The following NELL1 variants were observed in gnomAD, a reference collection of about 807,000 sequenced individuals.
NELL1 encodes the protein protein kinase C-binding protein NELL1.
Under a neutral mutation model 107.4 loss-of-function variants are expected in NELL1, and 76 were observed. The observed-to-expected ratio is 0.71, with a 90% CI of 0.59 to 0.86. The LOEUF (loss-of-function observed/expected upper bound fraction) is 0.86, where lower values mean the gene tolerates loss of function less well. Among genes scored for constraint, NELL1 ranks in the 40% least tolerant of loss-of-function variants. The pLI is 0.00. For synonymous variants in NELL1, 353 were observed against 341.2 expected, an observed-to-expected ratio of 1.03 and a Z score of -0.38; for missense variants, 1,024 against 1,005.5, an observed-to-expected ratio of 1.02 and a Z score of -0.25.
At chr11:20,960,686 A>G (rs1851272508) in intron 12 of NELL1, 126 bp downstream of exon 12, 3 of 1,065,296 alleles carry the variant, frequency 2.8e-6, no homozygotes, top group Non-Finnish European at 2.7e-6. Flanking sequence ...AAGAAATCAT[A>G]TCAATTGCTG....
chr11:20,943,802 T>C (rs145243993), intron 10 of NELL1, among the ~76,000 whole-genome samples: 338 of 152,298 alleles, frequency 2.2e-3, no homozygotes, highest in Non-Finnish European at 3.7e-3. Flanking sequence ...TAGACTGACT[T>C]GGAAATAATT....
intron 7 of NELL1, among the ~76,000 whole-genome samples, chr11:20,926,499 G>A (rs896801206): frequency 2.0e-5 from 3 of 152,238 alleles, no homozygotes; most frequent in South Asian, 4.2e-4. Context: ...TCAAACAAGA[G>A]AGCTAACTGA....
intron 12 of NELL1, among the ~76,000 whole-genome samples, chr11:21,071,448 A>G (rs1854013170): frequency 6.6e-6 from 1 of 152,240 alleles, no homozygotes; most frequent in Non-Finnish European, 1.5e-5. Context: ...TTGTATCATT[A>G]TCATTAAGTT....
intron 12 of NELL1, among the ~76,000 whole-genome samples, chr11:21,084,678 G>A (rs1854347708): frequency 6.6e-6 from 1 of 152,194 alleles, no homozygotes; most frequent in Non-Finnish European, 1.5e-5. Context: ...TGGTTTATCA[G>A]TAGTGGAATT....
chr11:21,548,056 G>T (rs1856487551), intron 16 of NELL1, among the ~76,000 whole-genome samples: 1 of 151,848 alleles, frequency 6.6e-6, no homozygotes, highest in Non-Finnish European at 1.5e-5. Context: ...AATGAGAGTA[G>T]CATTATCAAA....
chr11:21,062,126 G>A (rs78511782), intron 12 of NELL1, among the ~76,000 whole-genome samples: 1 of 152,118 alleles, frequency 6.6e-6, no homozygotes, highest in Non-Finnish European at 1.5e-5. Context: ...TTGAAATGTG[G>A]TTAGTCGAAT....
chr11:20,832,688 A>G (rs1026981376), intron 3 of NELL1, among the ~76,000 whole-genome samples: 1 of 152,242 alleles, frequency 6.6e-6, no homozygotes, highest in Non-Finnish European at 1.5e-5. Context: ...CAAGGAGGCA[A>G]TTCAGGAAAA....
chr11:20,992,709 A>ATTTTTTTTTTTT (rs56048576), intron 12 of NELL1, among the ~76,000 whole-genome samples: 2 of 114,476 alleles, frequency 1.7e-5, no homozygotes, highest in African/African-American at 3.3e-5. Context: ...CAAAAGTGGC[A>ATTTTTTTTTTTT]TTTTTTTTTT....
At chr11:21,551,533 A>G (rs1411517384) in intron 16 of NELL1, among the ~76,000 whole-genome samples, 1 of 151,758 alleles carries the variant, frequency 6.6e-6, no homozygotes, top group African/African-American at 2.4e-5. Context: ...AACACATGAA[A>G]AAATGCTCAC....
chr11:20,837,515 T>A (rs1286799663), intron 3 of NELL1, among the ~76,000 whole-genome samples: 1 of 152,194 alleles, frequency 6.6e-6, no homozygotes, highest in African/African-American at 2.4e-5. Flanking sequence ...AGTGGCCAAA[T>A]CTTGATTTCG....
chr11:20,972,277 G>A (rs896352101), intron 12 of NELL1, among the ~76,000 whole-genome samples: 13 of 152,134 alleles, frequency 8.5e-5, no homozygotes, highest in African/African-American at 3.1e-4. Context: ...CACACAATAG[G>A]TGTTAGTTAA....
chr11:21,342,524 G>A (rs992167397), intron 14 of NELL1, among the ~76,000 whole-genome samples: 3 of 151,524 alleles, frequency 2.0e-5, no homozygotes, highest in African/African-American at 4.9e-5. Context: ...TGTGCCTGTA[G>A]TTACAGCTAC....
chr11:21,301,756 C>T lies in NELL1; in HGVS notation c.1550-69097C>T, dbSNP rs534279830. 2.0e-5 allele frequency among the ~76,000 whole-genome samples: 3 copies of T among 152,042 alleles called. No homozygotes were observed. In the South Asian group the frequency reaches 6.2e-4, roughly 32 times the overall value. ...CAGAAGCTCTTTAGTTTAATTAGAT[C>T]CCATTTGTCAAATTTTGCTTTTGTA... On this transcript the variant is annotated intron_variant, in intron 14 of 19. Coordinates refer to ENST00000357134, the MANE Select transcript of NELL1 (RefSeq NM_006157.5).
chr11:21,133,693 G>A (rs962992614), intron 13 of NELL1, among the ~76,000 whole-genome samples: 14 of 151,964 alleles, frequency 9.2e-5, no homozygotes, highest in Non-Finnish European at 1.8e-4. Flanking sequence ...AGCAGGACTC[G>A]GGAGCAGGGG....
intron 15 of NELL1, among the ~76,000 whole-genome samples, chr11:21,500,933 T>C (rs1855123825): frequency 1.3e-5 from 2 of 152,166 alleles, no homozygotes; most frequent in Non-Finnish European, 2.9e-5. Context: ...AGAATTGTTT[T>C]TTCCCCTATG....
intron 13 of NELL1, among the ~76,000 whole-genome samples, chr11:21,165,296 C>T (rs563874620): frequency 6.6e-6 from 1 of 152,264 alleles, no homozygotes; most frequent in African/African-American, 2.4e-5. Context: ...ACGTCTATAC[C>T]CTAGTCATCT....
rs373209512 is a variant in NELL1 at position 21,370,886 on chromosome 11, C to T, written c.1583C>T (p.Thr528Met). The T allele has an allele frequency of 1.1e-5, 17 of 1,611,630 alleles. No individual in the cohort carries two copies. The highest frequency in any genetic ancestry group is 1.3e-5 in the African/African-American group (1 of 74,802). The change falls in exon 15 of 20, where the codon ACG becomes ATG. Residue 528 changes from threonine to methionine, a missense_variant. By Grantham distance (81) the Thr-to-Met change is moderately conservative (BLOSUM62 -1). Coordinates refer to ENST00000357134, the MANE Select transcript of NELL1 (RefSeq NM_006157.5). ...GAAGAGGGCTGCAGATACGGTGGAA[C>T]GTGTGTGGCTCCCAACAAATGTGTC... ...FCEEGCRYGG[T>M]CVAPNKCVCP...
At chr11:21,111,056 C>G (rs1397709260) in intron 12 of NELL1, among the ~76,000 whole-genome samples, 5 of 152,102 alleles carry the variant, frequency 3.3e-5, no homozygotes, top group Admixed American at 1.3e-4. Flanking sequence ...TCTTTTCTGT[C>G]TGGTAGGTTA....
At chr11:21,574,545 G>A (rs1226244872) in intron 19 of NELL1, among the ~76,000 whole-genome samples, 2 of 151,744 alleles carry the variant, frequency 1.3e-5, no homozygotes, top group Non-Finnish European at 1.5e-5. Context: ...AAACCTTACT[G>A]GACCCCATCT....
Sources: gnomAD v4.1 joint callset for allele counts (sites outside exome capture counted in the v4.1 genomes callset) on GRCh38, gnomAD v4.1.1 for gene constraint, MANE v1.5 for transcripts, NCBI Gene and HGNC (gene_info 2026-07-23, HGNC 2026-07-21) for gene names.